The following ESRRB variants were observed in gnomAD, a reference collection of about 807,000 sequenced individuals.
ESRRB encodes the protein estrogen related receptor beta.
In ESRRB, 16 loss-of-function variants were observed where a neutral mutation model predicts 46.0. That is an observed-to-expected ratio of 0.35 (90% CI 0.24 to 0.53). The LOEUF is 0.53. Ranked by LOEUF, ESRRB falls within the 20% of genes least tolerant of loss-of-function variation. The probability of loss-of-function intolerance (pLI) is 0.93; values close to 1 mark genes in which losing one functional copy is unlikely to be tolerated. For synonymous variants in ESRRB, 246 were observed against 259.6 expected, an observed-to-expected ratio of 0.95 and a Z score of 0.50; for missense variants, 488 against 607.4, an observed-to-expected ratio of 0.80 and a Z score of 2.07.
chr14:76,371,210 A>G (rs1884617407), upstream of ESRRB: 3 of 152,208 alleles, frequency 2.0e-5, no homozygotes. Context: ...GAGAGCACAA[A>G]CTCACATTGT....
intron 1 of ESRRB, among the ~76,000 whole-genome samples, chr14:76,414,175 T>A (rs1595093678): frequency 3.9e-4 from 1 of 2,536 alleles, no homozygotes; most frequent in African/African-American, 1.9e-3. Context: ...CCCCCGCCCC[T>A]GCAACGTCCC....
chr14:76,329,870 T>A (rs1883981684), intron 1 of ESRRB, among the ~76,000 whole-genome samples: 1 of 147,180 alleles, frequency 6.8e-6, no homozygotes, highest in African/African-American at 2.5e-5. Context: ...GCTAGGGATG[T>A]GCGGGGGGGA....
intron 1 of ESRRB, among the ~76,000 whole-genome samples, chr14:76,383,106 C>T (rs1885078431): frequency 6.6e-6 from 1 of 152,204 alleles, no homozygotes; most frequent in African/African-American, 2.4e-5. Context: ...TAGGGGCAGT[C>T]AGCCTTGTGC....
intron 1 of ESRRB, among the ~76,000 whole-genome samples, chr14:76,356,754 A>G (rs1448512404): frequency 6.6e-6 from 1 of 152,230 alleles, no homozygotes; most frequent in Non-Finnish European, 1.5e-5. Flanking sequence ...CAATGCATGA[A>G]TAAATAATCA....
intron 1 of ESRRB, among the ~76,000 whole-genome samples, chr14:76,414,749 T>C (rs1886624795): frequency 6.7e-6 from 1 of 149,206 alleles, no homozygotes; most frequent in Non-Finnish European, 1.5e-5. Flanking sequence ...TGGAAGGAGA[T>C]ACTCTGTAAC....
At chr14:76,416,054 C>A (rs952737821) in intron 1 of ESRRB, among the ~76,000 whole-genome samples, 4 of 151,766 alleles carry the variant, frequency 2.6e-5, no homozygotes, top group Non-Finnish European at 5.9e-5. Context: ...CCAAATGTCA[C>A]TTCTATGTCC....
At chr14:76,416,374 TTTGTCTCCCAAAGTGCTGGGA>T (rs1399558655) in intron 1 of ESRRB, among the ~76,000 whole-genome samples, 2 of 152,132 alleles carry the variant, frequency 1.3e-5, no homozygotes, top group East Asian at 3.9e-4. Context: ...TCAGACTGCC[TTTGTCTCCCAAAGTGCTGGGA>T]TTACAGGCAT....
At chr14:76,339,268 C>T (rs1268805834) in intron 1 of ESRRB, among the ~76,000 whole-genome samples, 1 of 152,230 alleles carries the variant, frequency 6.6e-6, no homozygotes, top group African/African-American at 2.4e-5. Context: ...TCCACGCTTA[C>T]GGTTCTGTGA....
At position 76,330,079 on chromosome 14, in the gene ESRRB, C is replaced by T. The variant is rs572027868; in HGVS notation, c.2+19163C>T. On this transcript the variant is annotated intron_variant, in intron 1 of 6. Coordinates refer to the ESRRB transcript ENST00000512784. ...AGAGCGAATGACGGACACACCTGTT[C>T]GCGGCCCTCCTTGCCGGCCAGCAGG... 1.2e-4 allele frequency among the ~76,000 whole-genome samples: 18 copies of T among 152,060 alleles called. 1 individual carries two copies. The highest frequency in any genetic ancestry group is 6.5e-4 in the Admixed American group (10 of 15,284).
At chr14:76,479,237 G>A (rs1889707173) in intron 3 of ESRRB, among the ~76,000 whole-genome samples, 2 of 94,796 alleles carry the variant, frequency 2.1e-5, no homozygotes, top group African/African-American at 4.8e-5. Context: ...GTGTGTGTAC[G>A]TGTGCATGCG....
At chr14:76,492,341 A>AT (rs1566616560) in intron 6 of ESRRB, among the ~76,000 whole-genome samples, 1 of 151,876 alleles carries the variant, frequency 6.6e-6, no homozygotes, top group Non-Finnish European at 1.5e-5. Flanking sequence ...TCTTATTTCT[A>AT]TTTTTTATGG....
chr14:76,399,731 G>A (rs1462144948), intron 1 of ESRRB, among the ~76,000 whole-genome samples: 1 of 152,202 alleles, frequency 6.6e-6, no homozygotes, highest in Non-Finnish European at 1.5e-5. Context: ...TTTGACGAAA[G>A]CCAGCATCAC....
intron 1 of ESRRB, among the ~76,000 whole-genome samples, chr14:76,329,226 G>T (rs1883973371): frequency 6.6e-6 from 1 of 152,196 alleles, no homozygotes; most frequent in Non-Finnish European, 1.5e-5. Flanking sequence ...AGAACAAGGA[G>T]AAGTGGGAGG....
chr14:76,482,271 A>G lies in ESRRB; in HGVS notation c.688+145A>G. 1.3e-6 allele frequency: 1 copy of G among 743,726 alleles called. No individual in the cohort carries two copies. Among genetic ancestry groups the G allele is most frequent in the Admixed American group, 2.0e-5 (1 of 49,396 alleles). The allele number at this position is 743,726 out of a possible 1,614,324, so 46.1% of individuals were successfully genotyped here. On this transcript the variant is annotated intron_variant, in intron 4 of 6. Coordinates refer to ENST00000644823, the MANE Select transcript of ESRRB (RefSeq NM_001379180.1). This position sits in a 1 kb window ranked among gnomAD's most constrained non-coding sequence, Gnocchi z 4.3. ...GGTGACATCAGTGCCTGGCACATTT[A>G]GAATGTGGCTCCAAATGAAGCATGG...
intron 1 of ESRRB, among the ~76,000 whole-genome samples, chr14:76,421,247 G>A (rs977718921): frequency 2.0e-5 from 3 of 152,180 alleles, no homozygotes; most frequent in Admixed American, 2.0e-4. Context: ...TGTAACCCCA[G>A]AGTGGTTAAA....
chr14:76,458,402 C>T (rs868535813), intron 2 of ESRRB, among the ~76,000 whole-genome samples: 2 of 150,980 alleles, frequency 1.3e-5, no homozygotes, highest in African/African-American at 4.9e-5. Flanking sequence ...CCAAAATAAA[C>T]AAATAATTAG....
chr14:76,428,895 T>C (rs375662219), intron 1 of ESRRB, among the ~76,000 whole-genome samples: 1 of 152,192 alleles, frequency 6.6e-6, no homozygotes, highest in African/African-American at 2.4e-5. Context: ...CTAATCTTTC[T>C]AACGACAAGA....
chr14:76,371,187 A>G (rs903129864), upstream of ESRRB, among the ~76,000 whole-genome samples: 3 of 152,208 alleles, frequency 2.0e-5, no homozygotes, highest in Non-Finnish European at 4.4e-5. Flanking sequence ...ATCTGTCAGC[A>G]GGAGACTATT....
At chr14:76,437,520 A>G (rs928950024) in intron 1 of ESRRB, among the ~76,000 whole-genome samples, 5 of 152,136 alleles carry the variant, frequency 3.3e-5, no homozygotes, top group African/African-American at 1.2e-4. Context: ...TCGTCTTTCC[A>G]TTGGCAGGCT....
Sources: gnomAD v4.1 joint callset for allele counts (sites outside exome capture counted in the v4.1 genomes callset) on GRCh38, gnomAD v4.1.1 for gene constraint, Gnocchi (gnomAD v3.1) non-coding constraint, MANE v1.5 for transcripts, NCBI Gene and HGNC (gene_info 2026-07-23, HGNC 2026-07-21) for gene names.